NKIRAS1: variants seen among roughly 807,000 people sequenced by gnomAD.
NKIRAS1 encodes the protein NFKB inhibitor interacting Ras like 1.
NKIRAS1 carries 16 observed loss-of-function variants against 19.8 expected under a neutral mutation model. That is an observed-to-expected ratio of 0.81 (90% CI 0.55 to 1.23). The LOEUF is 1.23. Ranked by LOEUF, NKIRAS1 falls within the 50% of genes most tolerant of loss-of-function variation. The probability of loss-of-function intolerance (pLI) is 0.00; values close to 1 mark genes in which losing one functional copy is unlikely to be tolerated. For missense variants in NKIRAS1, 184 were observed against 220.0 expected (o/e 0.84, Z 1.04); for synonymous variants, 88 against 79.0 (o/e 1.11, Z -0.61).
At chr3:23,934,209 T>C (rs1299233774) in intron 1 of NKIRAS1, among the ~76,000 whole-genome samples, 1 of 152,206 alleles carries the variant, frequency 6.6e-6, no homozygotes, top group African/African-American at 2.4e-5. Flanking sequence ...CTCCCTTCCT[T>C]TGTTCCATCA....
chr3:23,910,710 C>A, intron 3 of NKIRAS1, 101 bp downstream of exon 3: 2 of 787,020 alleles, frequency 2.5e-6, no homozygotes, highest in Non-Finnish European at 4.4e-6. Flanking sequence ...GATTATACCT[C>A]CCCTTTATGT....
chr3:23,910,223 T>A (rs1343428867), intron 3 of NKIRAS1, among the ~76,000 whole-genome samples: 1 of 141,992 alleles, frequency 7.0e-6, no homozygotes, highest in African/African-American at 2.6e-5. Context: ...AGTAACACCA[T>A]CTTGGCTCAC....
In NKIRAS1 at chr3:23,926,352, A is replaced by G. The variant is rs534102623; in HGVS notation, c.-139-14902T>C. 6.6e-6 allele frequency among the ~76,000 whole-genome samples: 1 copy of G among 152,196 alleles called. No homozygotes were observed. Among genetic ancestry groups the G allele is most frequent in the South Asian group, 2.1e-4 (1 of 4,812 alleles). On this transcript the variant is annotated intron_variant, in intron 1 of 4. Coordinates refer to the NKIRAS1 transcript ENST00000421515. This position sits in a 1 kb window ranked among gnomAD's most constrained non-coding sequence, Gnocchi z 4.3. The stretch of plus-strand genomic sequence containing the variant: ...TAGGTATGAGCCATGGCGCCCGGCC[A>G]TAGTACTGACTTAGACCCTTGAAAT...
chr3:23,898,089 TGTGGGGCAGA>T (rs1352066079), intron 4 of NKIRAS1, among the ~76,000 whole-genome samples: 8 of 152,212 alleles, frequency 5.3e-5, no homozygotes, highest in Non-Finnish European at 1.2e-4. Flanking sequence ...TTTCAACTTT[TGTGGGGCAGA>T]GAGGGGTCTC....
chr3:23,914,633 C>T (rs942186750), intron 1 of NKIRAS1, among the ~76,000 whole-genome samples: 4 of 152,198 alleles, frequency 2.6e-5, no homozygotes, highest in Non-Finnish European at 5.9e-5. Context: ...GGCCTGCCAT[C>T]ATGCCAGCCA....
At position 23,928,332 on chromosome 3, in the gene NKIRAS1, A is replaced by AAATG. The variant is rs1252740351; in HGVS notation, c.-139-16886_-139-16883dup. Among the ~76,000 whole-genome samples the AAATG allele has an allele frequency of 2.7e-5, 4 of 146,546 alleles. 1 individual carries two copies. The highest frequency in any genetic ancestry group is 7.6e-5 in the African/African-American group (3 of 39,542). ...TAAATAAATAAATAAATAAATAAAT[A>AAATG]AATGTTATCATTTGAATACCATTAG... On this transcript the variant is annotated intron_variant, in intron 1 of 4. Transcript: ENST00000421515.
Position 23,899,039 on chromosome 3 carries a change from G to A in NKIRAS1, c.336+1769C>T, listed in dbSNP as rs146586203. 4.2e-3 allele frequency among the ~76,000 whole-genome samples: 645 copies of A among 152,264 alleles called. 5 individuals carry two copies. Among genetic ancestry groups the A allele is most frequent in the African/African-American group, 0.014 (599 of 41,548 alleles). On this transcript the variant is annotated intron_variant, in intron 4 of 4. Coordinates refer to ENST00000425478, the MANE Select transcript of NKIRAS1 (RefSeq NM_020345.4). ...CCCAAACCACCCCATCTCCATCTGT[G>A]GAAAAATTGTCATCCACAAAACCGG...
At position 23,922,013 on chromosome 3, in the gene NKIRAS1, A is replaced by C. The variant is rs551026564; in HGVS notation, c.-139-10563T>G. 112 of 169,294 alleles carry C rather than the reference A, an allele frequency of 6.6e-4. 3 individuals are homozygous for C. The South Asian group carries it at 0.012, about 18-fold the overall frequency. The allele number at this position is 169,294 out of a possible 1,614,324, so 10.5% of individuals were successfully genotyped here. On this transcript the variant is annotated intron_variant, in intron 1 of 4. Coordinates refer to the NKIRAS1 transcript ENST00000421515. The surrounding 1 kb of genome is among the most constrained non-coding windows in gnomAD (Gnocchi z 4.2). ...GAGCCACCACACCGGGCCCAAATTT[A>C]CTTTAGTAATAACAACAATTGGCTG...
At chr3:23,936,015 C>T (rs550182907) in intron 1 of NKIRAS1, among the ~76,000 whole-genome samples, 50 of 133,268 alleles carry the variant, frequency 3.8e-4, no homozygotes, top group Middle Eastern at 4.6e-3. Context: ...CCCAGAAATT[C>T]GAGGCTGCAG....
At chr3:23,917,404 T>A (rs2125248755), upstream of NKIRAS1, 1 of 153,700 alleles carries the variant, frequency 6.5e-6, no homozygotes, top group South Asian at 1.9e-4. Flanking sequence ...GGAGGAGGCG[T>A]GGGGCTGACG....
intron 3 of NKIRAS1, among the ~76,000 whole-genome samples, chr3:23,906,120 C>G (rs571361777): frequency 1.5e-5 from 2 of 137,276 alleles, no homozygotes; most frequent in Non-Finnish European, 3.0e-5. Context: ...GATCGTGCCA[C>G]TGCACTCCAC....
chr3:23,921,794 C>CG, upstream of NKIRAS1: 1 of 573,268 alleles, frequency 1.7e-6, no homozygotes, highest in Non-Finnish European at 3.1e-6. Flanking sequence ...AGGCTGGTCT[C>CG]GAACTCCTGA....
At chr3:23,936,048 A>T (rs1441723302) in intron 1 of NKIRAS1, among the ~76,000 whole-genome samples, 2 of 133,898 alleles carry the variant, frequency 1.5e-5, no homozygotes, top group Non-Finnish European at 3.1e-5. Flanking sequence ...ACGCCACTGC[A>T]CTCTAGCCTG....
intron 1 of NKIRAS1, chr3:23,946,139 T>C: frequency 1.0e-6 from 1 of 984,174 alleles, no homozygotes; most frequent in Non-Finnish European, 1.2e-6. Flanking sequence ...CCCCGCGGGG[T>C]TGCACACTGC....
At chr3:23,917,874 G>C, upstream of NKIRAS1, 1 of 1,609,136 alleles carries the variant, frequency 6.2e-7, no homozygotes, top group Non-Finnish European at 8.5e-7. Context: ...GTGCATACAA[G>C]TACATCCAGG....
intron 1 of NKIRAS1, among the ~76,000 whole-genome samples, chr3:23,931,636 C>T (rs573874315): frequency 2.0e-5 from 3 of 151,836 alleles, no homozygotes; most frequent in Non-Finnish European, 4.4e-5. Context: ...TTAATGCATT[C>T]ATTTTCTGTT....
Position 23,916,108 on chromosome 3 carries a change from T to G in NKIRAS1, c.-140+676A>C, listed in dbSNP as rs551480624. The stretch of plus-strand genomic sequence containing the variant: ...AGAGACTCTTAAAAACGTAAAGCTG[T>G]GATTTAAAAAGAAAGAAAGAAAAAT... On this transcript the variant is annotated intron_variant, in intron 1 of 4. Transcript: ENST00000425478. The G allele has an allele frequency of 7.9e-5, 12 of 152,182 alleles. No homozygotes were observed. In the East Asian group the frequency reaches 2.3e-3, roughly 29 times the overall value. 9.4% of individuals were successfully genotyped at this position (152,182 alleles called of 1,614,324 possible).
intron 3 of NKIRAS1, among the ~76,000 whole-genome samples, chr3:23,903,689 A>G (rs1400938899): frequency 1.3e-5 from 2 of 152,208 alleles, no homozygotes; most frequent in Non-Finnish European, 2.9e-5. Flanking sequence ...GAGAGATGAT[A>G]AACAGGAAAG....
intron 4 of NKIRAS1, among the ~76,000 whole-genome samples, chr3:23,898,742 C>A (rs1050460823): frequency 3.3e-5 from 5 of 152,138 alleles, no homozygotes; most frequent in African/African-American, 4.8e-5. Context: ...CTGCACCTGG[C>A]CTGTATGATT....
Sources: gnomAD v4.1 joint callset for allele counts (sites outside exome capture counted in the v4.1 genomes callset) on GRCh38, gnomAD v4.1.1 for gene constraint, Gnocchi (gnomAD v3.1) non-coding constraint, MANE v1.5 for transcripts, NCBI Gene and HGNC (gene_info 2026-07-23, HGNC 2026-07-21) for gene names.